NOX4: variants seen among roughly 807,000 people sequenced by gnomAD.
NOX4 encodes the protein kidney oxidase-1.
NOX4 carries 69 observed loss-of-function variants against 87.6 expected under a neutral mutation model. The ratio of observed to expected loss-of-function variants is 0.79; its 90% confidence interval spans 0.65 to 0.96. The LOEUF (loss-of-function observed/expected upper bound fraction) is 0.96, where lower values mean the gene tolerates loss of function less well. NOX4 is among the 40% of genes least tolerant of loss of function. The pLI, the probability that NOX4 is intolerant of heterozygous loss-of-function variation, is 0.00. For synonymous variants in NOX4, 275 were observed against 238.2 expected (o/e 1.15, Z -1.42); for missense variants, 680 against 681.5 (o/e 1.00, Z 0.02).
intron 6 of NOX4, among the ~76,000 whole-genome samples, chr11:89,438,429 A>C (rs1349252409): frequency 9.1e-6 from 1 of 109,936 alleles, no homozygotes; most frequent in Non-Finnish European, 1.7e-5. Flanking sequence ...ATTATAATAT[A>C]ATATATACTA....
chr11:89,348,462 T>C (rs1419783249), intron 13 of NOX4, among the ~76,000 whole-genome samples: 6 of 150,534 alleles, frequency 4.0e-5, no homozygotes, highest in Non-Finnish European at 4.4e-5. Flanking sequence ...ACTATATATA[T>C]ATATATATGC....
chr11:89,342,312 T>C (rs759018856), intron 13 of NOX4, 119 bp from the exon 14 acceptor site: 276 of 812,540 alleles, frequency 3.4e-4, no homozygotes, highest in Non-Finnish European at 4.8e-4. Context: ...CAGGCCTTAT[T>C]TCATGGTTTC....
At chr11:89,397,902 T>C (rs932171748) in intron 11 of NOX4, among the ~76,000 whole-genome samples, 3 of 152,010 alleles carry the variant, frequency 2.0e-5, no homozygotes, top group Admixed American at 6.6e-5. Flanking sequence ...GAGGAGCTGG[T>C]ACCATTCCTT....
chr11:89,347,547 T>C (rs1946270625), intron 13 of NOX4, among the ~76,000 whole-genome samples: 1 of 152,208 alleles, frequency 6.6e-6, no homozygotes, highest in Non-Finnish European at 1.5e-5. Flanking sequence ...ATCTCCATTA[T>C]CATCATTTGT....
chr11:89,539,137 A>C, the NOX4 span, among the ~76,000 whole-genome samples: 2 of 152,320 alleles, frequency 1.3e-5, no homozygotes, highest in Admixed American at 6.5e-5. Context: ...AAATAAAAAA[A>C]ATAATAAATT....
intron 7 of NOX4, among the ~76,000 whole-genome samples, chr11:89,428,879 C>T (rs1181073609): frequency 6.6e-6 from 1 of 152,202 alleles, no homozygotes; most frequent in African/African-American, 2.4e-5. Flanking sequence ...TAGACACCTA[C>T]AGAACTCTCC....
chr11:89,333,660 T>C (rs776588546), intron 17 of NOX4, among the ~76,000 whole-genome samples: 21 of 151,912 alleles, frequency 1.4e-4, no homozygotes, highest in South Asian at 6.2e-4. Context: ...TCCCTACTGT[T>C]ATCTCTATAT....
chr11:89,550,310 C>A, the NOX4 span, among the ~76,000 whole-genome samples: 1 of 151,896 alleles, frequency 6.6e-6, no homozygotes, highest in Non-Finnish European at 1.5e-5. Flanking sequence ...CTCAGCCTCT[C>A]GAGTAGCTGG....
intron 6 of NOX4, among the ~76,000 whole-genome samples, chr11:89,437,587 C>T (rs984017268): frequency 2.0e-5 from 3 of 151,820 alleles, no homozygotes; most frequent in African/African-American, 7.3e-5. Context: ...TGAGAATGGG[C>T]CACCAAAATG....
chr11:89,405,057 G>A (rs952812757), intron 8 of NOX4, among the ~76,000 whole-genome samples: 1 of 124,034 alleles, frequency 8.1e-6, no homozygotes, highest in East Asian at 2.8e-4. Flanking sequence ...TGTAAAAGGG[G>A]TTCAAAATAA....
At chr11:89,484,955 G>A (rs1470405484) in intron 2 of NOX4, among the ~76,000 whole-genome samples, 2 of 152,020 alleles carry the variant, frequency 1.3e-5, no homozygotes, top group Non-Finnish European at 2.9e-5. Context: ...AAGTAACAGG[G>A]ATCATATATT....
intron 13 of NOX4, among the ~76,000 whole-genome samples, chr11:89,354,430 A>G (rs999770581): frequency 6.6e-6 from 1 of 152,178 alleles, no homozygotes; most frequent in Non-Finnish European, 1.5e-5. Context: ...ATGAGAAGGA[A>G]AGGTCTGCTT....
At chr11:89,383,509 G>A (rs961296715) in intron 11 of NOX4, among the ~76,000 whole-genome samples, 5 of 151,990 alleles carry the variant, frequency 3.3e-5, no homozygotes, top group African/African-American at 1.2e-4. Context: ...AGACACTTTG[G>A]GTAACTCTTA....
intron 11 of NOX4, among the ~76,000 whole-genome samples, chr11:89,394,209 T>C (rs1293958338): frequency 6.6e-6 from 1 of 152,166 alleles, no homozygotes; most frequent in African/African-American, 2.4e-5. Flanking sequence ...AAAAATTCTT[T>C]GATACACTGT....
intron 8 of NOX4, among the ~76,000 whole-genome samples, chr11:89,415,411 A>G (rs750109060): frequency 6.6e-6 from 1 of 152,112 alleles, no homozygotes; most frequent in Non-Finnish European, 1.5e-5. Flanking sequence ...AAACTGAAGT[A>G]GGCTATATAA....
At chr11:89,573,589 T>C in the NOX4 span, among the ~76,000 whole-genome samples, 2 of 152,316 alleles carry the variant, frequency 1.3e-5, no homozygotes, top group Admixed American at 1.3e-4. Flanking sequence ...GCTGCGAATC[T>C]GTACGGGTCT....
At chr11:89,496,543 T>A (rs1304613480), upstream of NOX4, among the ~76,000 whole-genome samples, 1 of 150,164 alleles carries the variant, frequency 6.7e-6, no homozygotes, top group Non-Finnish European at 1.5e-5. Flanking sequence ...CTTAAATATA[T>A]AAAATTTTAT....
upstream of NOX4, among the ~76,000 whole-genome samples, chr11:89,494,190 C>T (rs550812947): frequency 6.6e-6 from 1 of 152,164 alleles, no homozygotes; most frequent in Admixed American, 6.5e-5. Flanking sequence ...TCTCCAGGAA[C>T]AGACTTTACA....
intron 17 of NOX4, among the ~76,000 whole-genome samples, chr11:89,329,240 G>C (rs1945350579): frequency 1.3e-5 from 2 of 148,296 alleles, no homozygotes; most frequent in African/African-American, 2.5e-5. Flanking sequence ...TGCAATATTT[G>C]AAATGATAAA....
Sources: gnomAD v4.1 joint callset for allele counts (sites outside exome capture counted in the v4.1 genomes callset) on GRCh38, gnomAD v4.1.1 for gene constraint, MANE v1.5 for transcripts, NCBI Gene and HGNC (gene_info 2026-07-23, HGNC 2026-07-21) for gene names.